KIAA1217: variants seen among roughly 807,000 people sequenced by gnomAD.
KIAA1217 encodes KIAA1217.
A neutral mutation model predicts 163.9 loss-of-function variants in KIAA1217; 88 were observed. The observed-to-expected ratio is 0.54, with a 90% CI of 0.45 to 0.64. KIAA1217 has a LOEUF of 0.64. Among genes scored for constraint, KIAA1217 ranks in the 30% least tolerant of loss-of-function variants. The pLI is 0.00. For synonymous variants in KIAA1217, 903 were observed against 923.1 expected, an observed-to-expected ratio of 0.98 and a Z score of 0.39; for missense variants, 2,372 against 2,475.0, an observed-to-expected ratio of 0.96 and a Z score of 0.88.
chr10:24,239,554 A>G (rs1216348074), intron 2 of KIAA1217, among the ~76,000 whole-genome samples: 2 of 149,116 alleles, frequency 1.3e-5, no homozygotes, highest in East Asian at 3.9e-4. Context: ...AAAACAAGCG[A>G]TGCATTGTGC....
intron 2 of KIAA1217, among the ~76,000 whole-genome samples, chr10:24,264,444 A>G (rs2076010125): frequency 6.6e-6 from 1 of 152,190 alleles, no homozygotes; most frequent in African/African-American, 2.4e-5. Flanking sequence ...TCTCAGGTCA[A>G]CAAAGTTGTG....
chr10:23,936,041 C>A (rs1843512128), intron 1 of KIAA1217, among the ~76,000 whole-genome samples: 1 of 152,148 alleles, frequency 6.6e-6, no homozygotes, highest in Non-Finnish European at 1.5e-5. Flanking sequence ...GAGGAAGAAT[C>A]TTCTAGAACC....
Position 24,528,911 on chromosome 10 carries a change from C to T in KIAA1217, c.3082+792C>T, listed in dbSNP as rs1356881868. On this transcript the variant is annotated intron_variant, in intron 14 of 20. Transcript: ENST00000376454. ...TAGAATATGTATTTAACCAACTCAA[C>T]TATGGAAGTTAAATGCCAACATGTG... Among the ~76,000 whole-genome samples, 9 of 152,170 alleles carry T rather than the reference C, an allele frequency of 5.9e-5. No homozygotes were observed. The South Asian group carries it at 1.9e-3, about 32-fold the overall frequency.
chr10:23,790,565 GTATA>G lies in KIAA1217; in HGVS notation c.-321+95336_-321+95339del, dbSNP rs1406356027. Reference sequence around the variant, plus strand: ...TGTGCATATATACATATGTACATATGTATATATACATATGTATATGTACATATAT... The same window carrying G: ...TGTGCATATATACATATGTACATATGTATACATATGTATATGTACATATAT... On this transcript the variant is annotated intron_variant, in intron 1 of 18. Coordinates refer to the KIAA1217 transcript ENST00000376462. Among the ~76,000 whole-genome samples the G allele has an allele frequency of 2.8e-5, 2 of 72,000 alleles. 1 individual carries two copies. The highest frequency in any genetic ancestry group is 1.9e-4 in the African/African-American group (2 of 10,462). The allele number at this position is 72,000 out of a possible 152,430, so 47.2% of individuals were successfully genotyped here. A position where few individuals can be genotyped will look rare whatever the true frequency, so the allele number is the denominator to read the frequency against.
intron 1 of KIAA1217, among the ~76,000 whole-genome samples, chr10:23,954,819 C>T (rs566528715): frequency 6.6e-6 from 1 of 152,130 alleles, no homozygotes; most frequent in Admixed American, 6.5e-5. Context: ...GAGTAACTGG[C>T]CCATGGTCTC....
intron 1 of KIAA1217, among the ~76,000 whole-genome samples, chr10:23,862,279 T>C (rs989574617): frequency 1.3e-5 from 2 of 152,188 alleles, no homozygotes; most frequent in African/African-American, 4.8e-5. Context: ...CATGAACCTC[T>C]ATTTCAGTGG....
At chr10:24,404,528 C>T (rs2056968355) in intron 3 of KIAA1217, among the ~76,000 whole-genome samples, 1 of 133,206 alleles carries the variant, frequency 7.5e-6, no homozygotes, top group East Asian at 2.2e-4. Context: ...GATCACACCA[C>T]TGCACTCCAG....
chr10:23,947,731 G>A (rs1763406807), intron 1 of KIAA1217, among the ~76,000 whole-genome samples: 2 of 152,130 alleles, frequency 1.3e-5, no homozygotes, highest in Admixed American at 1.3e-4. Flanking sequence ...ACACAGATGG[G>A]AACCCAATGG....
chr10:23,975,880 C>T (rs184733687), intron 1 of KIAA1217, among the ~76,000 whole-genome samples: 21 of 152,238 alleles, frequency 1.4e-4, no homozygotes, highest in African/African-American at 4.8e-4. Flanking sequence ...TGTTAGAATT[C>T]CATGCCCAAT....
chr10:24,317,795 A>C (rs1331596567), intron 2 of KIAA1217, among the ~76,000 whole-genome samples: 1 of 152,216 alleles, frequency 6.6e-6, no homozygotes, highest in East Asian at 1.9e-4. Flanking sequence ...TTAAGTAGTA[A>C]AGCCCAAACA....
At chr10:24,249,682 T>C (rs975431565) in intron 2 of KIAA1217, among the ~76,000 whole-genome samples, 12 of 152,126 alleles carry the variant, frequency 7.9e-5, no homozygotes, top group Admixed American at 7.9e-4. Context: ...CCCACAAGTA[T>C]TATTACTTAC....
intron 2 of KIAA1217, among the ~76,000 whole-genome samples, chr10:24,199,747 A>G (rs2067160780): frequency 1.3e-5 from 2 of 152,158 alleles, no homozygotes; most frequent in Admixed American, 1.3e-4. Context: ...ATTTTATTTC[A>G]TAAGTGATTC....
intron 2 of KIAA1217, among the ~76,000 whole-genome samples, chr10:24,300,838 A>G (rs2041234675): frequency 1.3e-5 from 2 of 152,058 alleles, no homozygotes; most frequent in Non-Finnish European, 2.9e-5. Context: ...TTGAGACAAG[A>G]GTCTCACTCT....
chr10:23,889,538 C>CT (rs767096458), intron 1 of KIAA1217, among the ~76,000 whole-genome samples: 1 of 151,808 alleles, frequency 6.6e-6, no homozygotes, highest in Non-Finnish European at 1.5e-5. Context: ...GATGTGAGCT[C>CT]TTTGTCAGTT....
intron 8 of KIAA1217, 59 bp downstream of exon 8, chr10:24,495,255 C>A (rs1272154985): frequency 1.4e-6 from 2 of 1,393,318 alleles, no homozygotes; most frequent in East Asian, 4.6e-5. Flanking sequence ...TGAGCCCTGG[C>A]TGGTCTCAGA....
chr10:24,264,791 CTCTCTCTCTCTCATTCTCTCTT>C (rs1401715852), intron 2 of KIAA1217, among the ~76,000 whole-genome samples: 16 of 151,364 alleles, frequency 1.1e-4, no homozygotes, highest in African/African-American at 3.4e-4. Flanking sequence ...CTCTCTCTCT[CTCTCTCTCTCTCATTCTCTCTT>C]TCTCTCTCTC....
chr10:24,159,730 C>T (rs2065035225), intron 2 of KIAA1217, among the ~76,000 whole-genome samples: 1 of 152,070 alleles, frequency 6.6e-6, no homozygotes, highest in Non-Finnish European at 1.5e-5. Flanking sequence ...TTGCAGTGAG[C>T]TGAGATCACG....
At chr10:23,874,201 G>A (rs1482444185) in intron 1 of KIAA1217, among the ~76,000 whole-genome samples, 1 of 152,042 alleles carries the variant, frequency 6.6e-6, no homozygotes, top group Non-Finnish European at 1.5e-5. Context: ...CTAATCGGCT[G>A]TGAGTCATCA....
intron 1 of KIAA1217, among the ~76,000 whole-genome samples, chr10:23,954,859 G>A (rs1844491164): frequency 6.6e-6 from 1 of 152,074 alleles, no homozygotes; most frequent in South Asian, 2.1e-4. Flanking sequence ...GCTTGGATTT[G>A]AACCATGTTT....
Sources: allele counts gnomAD v4.1 joint callset (sites outside exome capture counted in the v4.1 genomes callset), GRCh38; gene constraint gnomAD v4.1.1; transcripts MANE v1.5; gene names NCBI Gene and HGNC (gene_info 2026-07-23, HGNC 2026-07-21).